Variants in TCERG1L observed in about 807,000 individuals in gnomAD.
The protein encoded by TCERG1L is transcription elongation regulator 1-like protein.
In TCERG1L, 37 loss-of-function variants were observed where a neutral mutation model predicts 56.3. The ratio of observed to expected loss-of-function variants is 0.66; its 90% CI spans 0.51 to 0.87. The LOEUF (loss-of-function observed/expected upper bound fraction) is 0.87. Among genes scored for constraint, TCERG1L ranks in the 40% least tolerant of loss-of-function variants. The probability of loss-of-function intolerance (pLI) is 0.00; values close to 1 mark genes in which losing one functional copy is unlikely to be tolerated. For missense variants in TCERG1L, 799 were observed against 774.2 expected (o/e 1.03, Z -0.38); for synonymous variants, 324 against 326.3 (o/e 0.99, Z 0.08).
rs117761327 is a variant in TCERG1L at position 131,237,530 on chromosome 10, T to G, written c.856+22729A>C. ...AAGCAATGAGGATGCATTAGTGCAC[T>G]GCTAGTTTAATAATTCAGTTGCATT... is the stretch of plus-strand genomic sequence containing the variant. On this transcript the variant is annotated intron_variant, in intron 4 of 11. Transcript: ENST00000368642. Among the ~76,000 whole-genome samples the G allele has an allele frequency of 7.2e-5, 11 of 152,358 alleles. No individual in the cohort carries two copies. The East Asian group carries it at 2.1e-3, about 29-fold the overall frequency.
intron 10 of TCERG1L, among the ~76,000 whole-genome samples, chr10:131,099,888 G>C (rs1845288589): frequency 6.6e-6 from 1 of 151,876 alleles, no homozygotes; most frequent in South Asian, 2.1e-4. Context: ...TTTTGAGGCA[G>C]AGTCTTGCTC....
chr10:131,174,047 G>T (rs564878190), intron 4 of TCERG1L, among the ~76,000 whole-genome samples: 4 of 152,132 alleles, frequency 2.6e-5, no homozygotes, highest in Admixed American at 2.6e-4. Context: ...GGAGTGGCAG[G>T]TGCTCCCTAG....
chr10:131,208,341 G>A (rs867977403), intron 4 of TCERG1L, among the ~76,000 whole-genome samples: 1 of 152,200 alleles, frequency 6.6e-6, no homozygotes, highest in African/African-American at 2.4e-5. Context: ...AAGCCTCAGA[G>A]GGGGCCTGTG....
At chr10:131,170,119 C>A (rs1431770197) in intron 4 of TCERG1L, among the ~76,000 whole-genome samples, 1 of 152,088 alleles carries the variant, frequency 6.6e-6, no homozygotes. Flanking sequence ...TCTTAATAAC[C>A]GGCACTCTTT....
chr10:131,206,103 G>A (rs906448679), intron 4 of TCERG1L, among the ~76,000 whole-genome samples: 4 of 152,256 alleles, frequency 2.6e-5, no homozygotes, highest in African/African-American at 4.8e-5. Flanking sequence ...ATTCCCAGGC[G>A]GGAGAACTGG....
intron 4 of TCERG1L, among the ~76,000 whole-genome samples, chr10:131,214,076 A>G (rs1477590790): frequency 6.6e-6 from 1 of 152,148 alleles, no homozygotes; most frequent in Non-Finnish European, 1.5e-5. Context: ...AACAGTTACA[A>G]TGACTAACTG....
At chr10:131,208,678 C>G (rs1201508801) in intron 4 of TCERG1L, among the ~76,000 whole-genome samples, 2 of 152,192 alleles carry the variant, frequency 1.3e-5, no homozygotes, top group Admixed American at 1.3e-4. Flanking sequence ...ATCCAAAATG[C>G]TCCCAAATCA....
chr10:131,201,881 C>T (rs961599318), intron 4 of TCERG1L, among the ~76,000 whole-genome samples: 11 of 152,118 alleles, frequency 7.2e-5, no homozygotes, highest in Non-Finnish European at 1.5e-4. Flanking sequence ...GTGCTGAAGG[C>T]GCATCCATCG....
chr10:131,293,694 A>ACC (rs1263040678), intron 3 of TCERG1L, among the ~76,000 whole-genome samples: 1 of 152,134 alleles, frequency 6.6e-6, no homozygotes, highest in Non-Finnish European at 1.5e-5. Flanking sequence ...ACCGAAATCC[A>ACC]CCAGAAGCCC....
At chr10:131,246,924 G>A (rs765778340) in intron 4 of TCERG1L, among the ~76,000 whole-genome samples, 10 of 152,242 alleles carry the variant, frequency 6.6e-5, no homozygotes, top group South Asian at 2.1e-4. Flanking sequence ...CCACGACGCC[G>A]GCGCTGCGGC....
chr10:131,229,302 C>G (rs1845825621), intron 4 of TCERG1L, among the ~76,000 whole-genome samples: 1 of 152,248 alleles, frequency 6.6e-6, no homozygotes, highest in Non-Finnish European at 1.5e-5. Context: ...CATCAAAGCC[C>G]TTGGAGCTAA....
intron 11 of TCERG1L, among the ~76,000 whole-genome samples, chr10:131,096,041 C>T (rs1252249643): frequency 1.3e-5 from 2 of 152,208 alleles, no homozygotes; most frequent in Non-Finnish European, 2.9e-5. Context: ...TGACAGCTAC[C>T]ACTTTCGGAG....
intron 3 of TCERG1L, among the ~76,000 whole-genome samples, chr10:131,262,420 G>A (rs925833865): frequency 3.3e-5 from 5 of 152,208 alleles, no homozygotes; most frequent in African/African-American, 1.2e-4. Context: ...AACATATCTA[G>A]ATGGCAGAAT....
At chr10:131,143,520 C>T (rs532622391) in intron 7 of TCERG1L, among the ~76,000 whole-genome samples, 204 of 152,146 alleles carry the variant, frequency 1.3e-3, no homozygotes, top group Non-Finnish European at 2.5e-3. Flanking sequence ...CAGGTGGCCC[C>T]CGTGGCCAAA....
chr10:131,261,760 C>T (rs971053491), intron 3 of TCERG1L, among the ~76,000 whole-genome samples: 1 of 152,150 alleles, frequency 6.6e-6, no homozygotes, highest in Non-Finnish European at 1.5e-5. Context: ...AGGCAGGGTG[C>T]TCATTCTTCT....
intron 4 of TCERG1L, among the ~76,000 whole-genome samples, chr10:131,216,269 C>A (rs1845667993): frequency 6.6e-6 from 1 of 152,024 alleles, no homozygotes; most frequent in African/African-American, 2.4e-5. Context: ...AGGTGTAAGA[C>A]AATATGGAAG....
rs1446742057 is a variant in TCERG1L, at chr10:131,114,362, T to C, written c.1395+2437A>G. Among the ~76,000 whole-genome samples the C allele has an allele frequency of 1.4e-5, 2 of 141,660 alleles. 1 individual carries two copies. The highest frequency in any genetic ancestry group is 3.2e-5 in the Non-Finnish European group (2 of 63,130). The allele number at this position is 141,660 out of a possible 152,430, so 92.9% of individuals were successfully genotyped here. A position where few individuals can be genotyped will look rare whatever the true frequency, so the allele number is the denominator to read the frequency against. On this transcript the variant is annotated intron_variant, in intron 9 of 11. Transcript: ENST00000368642. The stretch of plus-strand genomic sequence containing the variant: ...AGCTGAAAAGTCATAAATGGTGGCA[T>C]TGCTTTATAATATTAGCAGTAAATT...
intron 4 of TCERG1L, among the ~76,000 whole-genome samples, chr10:131,169,861 GACAGCA>G (rs1177155847): frequency 6.6e-6 from 1 of 152,156 alleles, no homozygotes; most frequent in South Asian, 2.1e-4. Flanking sequence ...GTTCTCAAAT[GACAGCA>G]TTGCCTAGTT....
rs757436790 is a variant in TCERG1L, at chr10:131,146,503, T to C, written c.1189+3A>G. ...AGGTGTAAATAACCCAGGGCTTAGT[T>C]ACTTGCTGGTGCCTCCAGCTTGCGT... On this transcript the variant is annotated splice_donor_region_variant and intron_variant, in intron 7 of 11. Coordinates refer to ENST00000368642, the MANE Select transcript of TCERG1L (RefSeq NM_174937.4). The C allele has an allele frequency of 6.2e-7, 1 of 1,606,690 alleles. No homozygotes were observed.
Sources: allele counts gnomAD v4.1 joint callset (sites outside exome capture counted in the v4.1 genomes callset), GRCh38; gene constraint gnomAD v4.1.1; transcripts MANE v1.5; gene names NCBI Gene and HGNC (gene_info 2026-07-23, HGNC 2026-07-21).